NUBPL: variants seen among roughly 807,000 people sequenced by gnomAD.
NUBPL encodes NUBP iron-sulfur cluster assembly factor, mitochondrial, also known as iron-sulfur cluster transfer protein NUBPL.
In NUBPL, 31 loss-of-function variants were observed where a neutral mutation model predicts 45.7. That is an observed-to-expected ratio of 0.68 (90% confidence interval 0.51 to 0.92). The LOEUF (loss-of-function observed/expected upper bound fraction) is 0.92, where lower values mean the gene tolerates loss of function less well. Among genes scored for constraint, NUBPL ranks in the 40% least tolerant of loss-of-function variants. The probability of loss-of-function intolerance (pLI) is 0.00; values close to 1 mark genes in which losing one functional copy is unlikely to be tolerated. For synonymous variants in NUBPL, 144 were observed against 140.9 expected, an observed-to-expected ratio of 1.02 and a Z score of -0.15; for missense variants, 401 against 398.7, an observed-to-expected ratio of 1.01 and a Z score of -0.05.
intron 6 of NUBPL, among the ~76,000 whole-genome samples, chr14:31,738,408 C>G (rs1011924252): frequency 6.6e-5 from 10 of 152,168 alleles, no homozygotes; most frequent in African/African-American, 2.4e-4. Context: ...CTCTGTGAAC[C>G]TAGATCTCAG....
At position 31,727,555 on chromosome 14, in the gene NUBPL, T is replaced by G. The variant is rs111867054; in HGVS notation, c.513+53981T>G. Among the ~76,000 whole-genome samples the G allele has an allele frequency of 4.1e-4, 62 of 152,300 alleles. 1 individual carries two copies. The highest frequency in any genetic ancestry group is 1.3e-3 in the African/African-American group (55 of 41,564). On this transcript the variant is annotated intron_variant, in intron 6 of 10. Coordinates refer to ENST00000281081, the MANE Select transcript of NUBPL (RefSeq NM_025152.3). ...AGACCCAAGGATTTTTTTAAAGTTA[T>G]GTATATTTTAAAATTTATATTTTGG... is the stretch of plus-strand genomic sequence containing the variant.
chr14:31,798,789 C>T (rs1282069803), intron 7 of NUBPL, among the ~76,000 whole-genome samples: 152 of 39,836 alleles, frequency 3.8e-3, no homozygotes, highest in Admixed American at 0.012. Flanking sequence ...AAGACTCCGT[C>T]TCAAAAAAAA....
At chr14:31,609,519 C>T (rs947489554) in intron 4 of NUBPL, among the ~76,000 whole-genome samples, 6 of 152,126 alleles carry the variant, frequency 3.9e-5, no homozygotes, top group Admixed American at 3.9e-4. Flanking sequence ...ACAAATCTTC[C>T]AGACAGAAAA....
chr14:31,600,478 A>T (rs2034401972), intron 4 of NUBPL, among the ~76,000 whole-genome samples: 1 of 152,190 alleles, frequency 6.6e-6, no homozygotes, highest in East Asian at 1.9e-4. Flanking sequence ...GTACCCGAAT[A>T]CCCACGCAGA....
At chr14:31,807,498 G>A (rs542656430) in intron 7 of NUBPL, among the ~76,000 whole-genome samples, 2 of 152,052 alleles carry the variant, frequency 1.3e-5, no homozygotes, top group African/African-American at 4.8e-5. Context: ...ATTGGCTTAC[G>A]TTCTTTGTAG....
intron 6 of NUBPL, among the ~76,000 whole-genome samples, chr14:31,744,992 G>T (rs2038364899): frequency 6.6e-6 from 1 of 151,878 alleles, no homozygotes; most frequent in African/African-American, 2.4e-5. Context: ...CTTTGTAAAT[G>T]AACTCAGTCT....
chr14:31,658,077 A>C (rs368462121), intron 4 of NUBPL, among the ~76,000 whole-genome samples: 2 of 152,246 alleles, frequency 1.3e-5, no homozygotes, highest in African/African-American at 4.8e-5. Context: ...ATTACAGAGT[A>C]ACTTGATATA....
intron 6 of NUBPL, among the ~76,000 whole-genome samples, chr14:31,712,322 A>G (rs11621147): frequency 0.36 from 54,564 of 152,180 alleles, 11,151 homozygotes; most frequent in South Asian, 0.47. Context: ...GGCTTCACCA[A>G]TGGTACTCGC....
chr14:31,653,537 C>T (rs563993640), intron 4 of NUBPL, among the ~76,000 whole-genome samples: 29 of 152,290 alleles, frequency 1.9e-4, no homozygotes, highest in African/African-American at 6.3e-4. Context: ...GTATTCTGCC[C>T]GACCCCGCAG....
chr14:31,800,442 A>G (rs2039565427), intron 7 of NUBPL, among the ~76,000 whole-genome samples: 2 of 152,224 alleles, frequency 1.3e-5, no homozygotes, highest in Admixed American at 1.3e-4. Flanking sequence ...ACAGATCACC[A>G]TAACAGATAT....
chr14:31,734,832 T>C (rs1243125284), intron 6 of NUBPL, among the ~76,000 whole-genome samples: 1 of 152,240 alleles, frequency 6.6e-6, no homozygotes, highest in Non-Finnish European at 1.5e-5. Flanking sequence ...GGGTTTCTGC[T>C]AGCTACTCCT....
At chr14:31,788,634 C>G (rs2039326671) in intron 7 of NUBPL, among the ~76,000 whole-genome samples, 1 of 152,196 alleles carries the variant, frequency 6.6e-6, no homozygotes, top group Non-Finnish European at 1.5e-5. Context: ...CCTTTGCCCT[C>G]TTTCTCTTCA....
intron 8 of NUBPL, among the ~76,000 whole-genome samples, chr14:31,839,072 G>A (rs1292924660): frequency 6.6e-6 from 1 of 152,146 alleles, no homozygotes; most frequent in Non-Finnish European, 1.5e-5. Flanking sequence ...TTGAAAAACA[G>A]ATGGTTGTTT....
chr14:31,738,540 T>G (rs1010697594), intron 6 of NUBPL, among the ~76,000 whole-genome samples: 2 of 152,186 alleles, frequency 1.3e-5, no homozygotes, highest in Admixed American at 1.3e-4. Flanking sequence ...TCTCTATAAA[T>G]TTTTTATACC....
chr14:31,745,026 G>T (rs988018262), intron 6 of NUBPL, among the ~76,000 whole-genome samples: 25 of 150,114 alleles, frequency 1.7e-4, no homozygotes, highest in Non-Finnish European at 2.9e-4. Flanking sequence ...GTTCCCTTTA[G>T]GTCTAGGTTA....
At chr14:31,669,107 C>A (rs991844797) in intron 4 of NUBPL, among the ~76,000 whole-genome samples, 1 of 152,162 alleles carries the variant, frequency 6.6e-6, no homozygotes, top group Non-Finnish European at 1.5e-5. Flanking sequence ...AATTGACTCT[C>A]GAACTTCAGC....
chr14:31,760,144 T>TGTGTGTGAGAGAGAGA, intron 6 of NUBPL, among the ~76,000 whole-genome samples: 2 of 34,844 alleles, frequency 5.7e-5, no homozygotes, highest in African/African-American at 1.1e-4. Flanking sequence ...TGTGTGTGTG[T>TGTGTGTGAGAGAGAGA]GAGAGAGAGA....
chr14:31,718,525 T>C (rs1316086677), intron 6 of NUBPL, among the ~76,000 whole-genome samples: 1 of 152,158 alleles, frequency 6.6e-6, no homozygotes, highest in Non-Finnish European at 1.5e-5. Flanking sequence ...ATACATGTGG[T>C]TTCTTAAGAC....
chr14:31,757,343 G>A (rs988487097), intron 6 of NUBPL, among the ~76,000 whole-genome samples: 18 of 151,274 alleles, frequency 1.2e-4, no homozygotes, highest in East Asian at 7.8e-4. Flanking sequence ...GACTCTTTTT[G>A]GTTGGTAAGC....
Sources: gnomAD v4.1 joint callset for allele counts (sites outside exome capture counted in the v4.1 genomes callset) on GRCh38, gnomAD v4.1.1 for gene constraint, MANE v1.5 for transcripts, NCBI Gene and HGNC (gene_info 2026-07-23, HGNC 2026-07-21) for gene names.